The following SPON1 variants were observed in gnomAD, a reference collection of about 807,000 sequenced individuals.
SPON1 encodes spondin 1.
In SPON1, 52 loss-of-function variants were observed where a neutral mutation model predicts 111.7. That is an observed-to-expected ratio of 0.47 (90% CI 0.37 to 0.59). SPON1 has a LOEUF of 0.59. Ranked by LOEUF, SPON1 falls within the 20% of genes least tolerant of loss-of-function variation. The pLI, the probability that SPON1 is intolerant of heterozygous loss-of-function variation, is 0.00. For missense variants in SPON1, 957 were observed against 1,068.5 expected (o/e 0.90, Z 1.46); for synonymous variants, 410 against 395.8 (o/e 1.04, Z -0.43).
At chr11:14,058,235 A>G (rs1848762414) in intron 3 of SPON1, among the ~76,000 whole-genome samples, 2 of 152,152 alleles carry the variant, frequency 1.3e-5, no homozygotes, top group African/African-American at 4.8e-5. Flanking sequence ...TGGTTCGTTC[A>G]GTGATCCTTC....
chr11:14,058,426 G>A (rs1448183580), intron 3 of SPON1, among the ~76,000 whole-genome samples: 1 of 152,154 alleles, frequency 6.6e-6, no homozygotes, highest in Admixed American at 6.5e-5. Context: ...GAAGCACAGG[G>A]CGGAGTTGGG....
At chr11:14,204,740 A>G (rs926295437) in intron 6 of SPON1, among the ~76,000 whole-genome samples, 2 of 151,956 alleles carry the variant, frequency 1.3e-5, no homozygotes, top group Non-Finnish European at 2.9e-5. Context: ...GCTGCAGTGC[A>G]GTGGCGCAGT....
intron 5 of SPON1, among the ~76,000 whole-genome samples, chr11:14,106,622 C>T (rs150806368): frequency 1.5e-3 from 231 of 152,224 alleles, no homozygotes; most frequent in African/African-American, 5.2e-3. Context: ...GAAATACTTG[C>T]AGCTTTTTCC....
At chr11:14,156,673 A>C (rs1207830964) in intron 6 of SPON1, among the ~76,000 whole-genome samples, 2 of 152,132 alleles carry the variant, frequency 1.3e-5, no homozygotes, top group Non-Finnish European at 1.5e-5. Flanking sequence ...ATTTTTGTCT[A>C]AGGTGTAAGG....
At chr11:14,122,351 T>G (rs1847400216) in intron 5 of SPON1, among the ~76,000 whole-genome samples, 1 of 152,148 alleles carries the variant, frequency 6.6e-6, no homozygotes, top group African/African-American at 2.4e-5. Context: ...TTTTTTGTAT[T>G]TTTAGTAGAG....
chr11:14,202,684 C>T (rs1191778795), intron 6 of SPON1, among the ~76,000 whole-genome samples: 10 of 152,146 alleles, frequency 6.6e-5, no homozygotes, highest in African/African-American at 9.7e-5. Context: ...ATGCCAGACC[C>T]GGTGTTTCAT....
At chr11:13,987,250 A>G (rs189280852) in intron 2 of SPON1, among the ~76,000 whole-genome samples, 6 of 152,188 alleles carry the variant, frequency 3.9e-5, no homozygotes, top group African/African-American at 1.4e-4. Flanking sequence ...TTTAATGATC[A>G]CCATTCTAAC....
intron 6 of SPON1, among the ~76,000 whole-genome samples, chr11:14,168,303 A>C (rs1404298207): frequency 3.3e-5 from 5 of 152,202 alleles, no homozygotes; most frequent in Non-Finnish European, 5.9e-5. Context: ...TTTACCAATA[A>C]TCCTTAAAAC....
intron 14 of SPON1, 51 bp from the exon 15 acceptor site, chr11:14,262,660 CA>C: frequency 6.2e-7 from 1 of 1,608,532 alleles, no homozygotes; most frequent in Non-Finnish European, 8.5e-7. Flanking sequence ...AGAGCGTGAC[CA>C]TATCTTGTTT....
intron 2 of SPON1, among the ~76,000 whole-genome samples, chr11:13,985,522 C>A (rs1406890934): frequency 6.6e-6 from 1 of 152,134 alleles, no homozygotes; most frequent in Non-Finnish European, 1.5e-5. Flanking sequence ...GGGGTTCAAA[C>A]CCGGGCAGTC....
chr11:14,260,461 C>T, intron 13 of SPON1, 127 bp from the exon 14 acceptor site: 1 of 989,686 alleles, frequency 1.0e-6, no homozygotes, highest in Non-Finnish European at 1.5e-6. Context: ...TATTTGAACC[C>T]ATGGGCCAAT....
intron 2 of SPON1, among the ~76,000 whole-genome samples, chr11:14,001,517 CAT>C (rs1394201644): frequency 6.6e-6 from 1 of 152,158 alleles, no homozygotes; most frequent in Non-Finnish European, 1.5e-5. Flanking sequence ...CTTCCTGTCT[CAT>C]ATAAAGGAAG....
chr11:14,057,831 CA>C (rs782306609), intron 3 of SPON1, among the ~76,000 whole-genome samples: 21 of 100,574 alleles, frequency 2.1e-4, no homozygotes, highest in East Asian at 3.0e-4. Context: ...CTTGTCTCTA[CA>C]AAAAAAAAAA....
intron 3 of SPON1, among the ~76,000 whole-genome samples, chr11:14,052,014 A>G (rs1848711100): frequency 6.6e-6 from 1 of 152,074 alleles, no homozygotes; most frequent in Admixed American, 6.5e-5. Flanking sequence ...AATCACCACT[A>G]AGCTACACTG....
At chr11:14,167,564 A>G (rs1406532807) in intron 6 of SPON1, among the ~76,000 whole-genome samples, 1 of 152,172 alleles carries the variant, frequency 6.6e-6, no homozygotes, top group Non-Finnish European at 1.5e-5. Context: ...TCAAAAAAGG[A>G]AACCAAATTT....
At chr11:14,131,876 A>G (rs149484531) in intron 5 of SPON1, among the ~76,000 whole-genome samples, 1,719 of 152,288 alleles carry the variant, frequency 0.011, 12 homozygotes, top group Admixed American at 0.019. Context: ...TTGTTTTTCC[A>G]TAGGTGCCTG....
intron 6 of SPON1, among the ~76,000 whole-genome samples, chr11:14,136,545 A>C (rs1240670339): frequency 6.6e-6 from 1 of 152,206 alleles, no homozygotes; most frequent in Non-Finnish European, 1.5e-5. Context: ...CAGCAGGGCA[A>C]GCACAGCTGA....
At chr11:14,070,152 G>A (rs559467046) in intron 3 of SPON1, among the ~76,000 whole-genome samples, 6 of 152,176 alleles carry the variant, frequency 3.9e-5, no homozygotes, top group African/African-American at 1.2e-4. Flanking sequence ...TTGATTCCTG[G>A]GTCATCCCAC....
At chr11:13,988,559 C>A (rs1554910693) in intron 2 of SPON1, among the ~76,000 whole-genome samples, 1 of 152,140 alleles carries the variant, frequency 6.6e-6, no homozygotes, top group Non-Finnish European at 1.5e-5. Context: ...TGTCTGATTG[C>A]CCTGGCTAGA....
Sources: gnomAD v4.1 joint callset for allele counts (sites outside exome capture counted in the v4.1 genomes callset) on GRCh38, gnomAD v4.1.1 for gene constraint, MANE v1.5 for transcripts, NCBI Gene and HGNC (gene_info 2026-07-23, HGNC 2026-07-21) for gene names.